The following CDH18 variants were observed in gnomAD, a reference collection of about 807,000 sequenced individuals.
CDH18 encodes the protein cadherin-18.
A neutral mutation model predicts 67.9 loss-of-function variants in CDH18; 31 were observed. The observed-to-expected ratio is 0.46, with a 90% confidence interval of 0.34 to 0.62. The LOEUF is 0.62. Ranked by LOEUF, CDH18 falls within the 20% of genes least tolerant of loss-of-function variation. CDH18 has a pLI of 0.01. For missense variants in CDH18, 890 were observed against 975.5 expected (o/e 0.91, Z 1.17); for synonymous variants, 362 against 347.2 (o/e 1.04, Z -0.48).
chr5:19,809,971 A>C (rs1778467942), intron 3 of CDH18, among the ~76,000 whole-genome samples: 1 of 152,146 alleles, frequency 6.6e-6, no homozygotes, highest in Non-Finnish European at 1.5e-5. Context: ...CACACACGGA[A>C]AATAGAAAAC....
At chr5:20,342,670 A>G (rs908471482) in intron 1 of CDH18, among the ~76,000 whole-genome samples, 2 of 152,158 alleles carry the variant, frequency 1.3e-5, no homozygotes, top group Non-Finnish European at 2.9e-5. Flanking sequence ...AGGAACATAG[A>G]GTTGGATCAG....
At chr5:20,360,284 T>A (rs917653097) in intron 1 of CDH18, among the ~76,000 whole-genome samples, 23 of 152,054 alleles carry the variant, frequency 1.5e-4, no homozygotes, top group Non-Finnish European at 3.1e-4. Context: ...CTAAGTTGCT[T>A]CTCTAAAAAT....
At chr5:19,802,252 A>T (rs1261261683) in intron 3 of CDH18, among the ~76,000 whole-genome samples, 1 of 152,216 alleles carries the variant, frequency 6.6e-6, no homozygotes, top group Non-Finnish European at 1.5e-5. Flanking sequence ...AATAGGAAGA[A>T]CTCAAGCATG....
chr5:20,339,420 C>T (rs1268935176), intron 1 of CDH18, among the ~76,000 whole-genome samples: 1 of 152,064 alleles, frequency 6.6e-6, no homozygotes, highest in Admixed American at 6.6e-5. Flanking sequence ...ATAACCCAGA[C>T]CTCTTTCAAT....
intron 1 of CDH18, among the ~76,000 whole-genome samples, chr5:20,266,788 T>C (rs1745074865): frequency 1.3e-5 from 2 of 151,862 alleles, no homozygotes; most frequent in African/African-American, 2.4e-5. Flanking sequence ...CCATAAGTAA[T>C]GGTAAAATAC....
At chr5:19,704,914 A>T (rs1763747265) in intron 5 of CDH18, among the ~76,000 whole-genome samples, 1 of 152,204 alleles carries the variant, frequency 6.6e-6, no homozygotes, top group Admixed American at 6.5e-5. Flanking sequence ...AGCCCAAAAA[A>T]TTGGCCTTTA....
At chr5:19,527,000 G>T (rs896306409) in intron 9 of CDH18, among the ~76,000 whole-genome samples, 2 of 151,848 alleles carry the variant, frequency 1.3e-5, no homozygotes, top group Non-Finnish European at 3.0e-5. Flanking sequence ...GTCTGATTTA[G>T]ATTTCTATGA....
intron 2 of CDH18, among the ~76,000 whole-genome samples, chr5:19,955,393 G>T (rs1796165649): frequency 6.6e-6 from 1 of 151,986 alleles, no homozygotes; most frequent in Admixed American, 6.6e-5. Flanking sequence ...AGCAAAAAAA[G>T]AACTAAATGC....
chr5:20,560,842 G>A (rs1193654335), intron 1 of CDH18, among the ~76,000 whole-genome samples: 1 of 151,940 alleles, frequency 6.6e-6, no homozygotes, highest in Non-Finnish European at 1.5e-5. Context: ...GCCACAGACT[G>A]CAAGAAAATA....
chr5:19,559,623 T>G (rs1044611220), intron 8 of CDH18, among the ~76,000 whole-genome samples: 4 of 152,000 alleles, frequency 2.6e-5, no homozygotes, highest in African/African-American at 9.7e-5. Flanking sequence ...ATGTTTACTC[T>G]TAACACTTCT....
At chr5:20,209,613 T>C (rs573721090) in intron 2 of CDH18, among the ~76,000 whole-genome samples, 3 of 151,838 alleles carry the variant, frequency 2.0e-5, no homozygotes, top group African/African-American at 7.3e-5. Context: ...CATAGGGAGA[T>C]AAAAAGAGGT....
chr5:20,309,437 C>T (rs1736792918), intron 1 of CDH18, among the ~76,000 whole-genome samples: 1 of 151,732 alleles, frequency 6.6e-6, no homozygotes, highest in Non-Finnish European at 1.5e-5. Flanking sequence ...GTACTAACAA[C>T]AATAACAAAA....
At chr5:19,921,696 G>T (rs1351684486) in intron 2 of CDH18, among the ~76,000 whole-genome samples, 1 of 151,950 alleles carries the variant, frequency 6.6e-6, no homozygotes, top group Admixed American at 6.6e-5. Context: ...TACCAATAAA[G>T]AAACAAAGTC....
chr5:19,997,654 T>C (rs1161802412), intron 2 of CDH18, among the ~76,000 whole-genome samples: 3 of 152,260 alleles, frequency 2.0e-5, no homozygotes, highest in African/African-American at 7.2e-5. Context: ...CTTTAAAGTT[T>C]TCTATCCCAG....
intron 2 of CDH18, among the ~76,000 whole-genome samples, chr5:19,965,737 G>C (rs1418285665): frequency 6.6e-6 from 1 of 152,080 alleles, no homozygotes; most frequent in African/African-American, 2.4e-5. Context: ...GAGGAAGAGA[G>C]AGGCAGGTAG....
At chr5:20,473,823 A>G (rs1752254426) in intron 1 of CDH18, among the ~76,000 whole-genome samples, 1 of 152,164 alleles carries the variant, frequency 6.6e-6, no homozygotes, top group South Asian at 2.1e-4. Flanking sequence ...AACATCAGAT[A>G]ATCTTATTTT....
intron 2 of CDH18, among the ~76,000 whole-genome samples, chr5:20,031,481 T>G (rs961039877): frequency 6.6e-6 from 1 of 151,486 alleles, no homozygotes; most frequent in Non-Finnish European, 1.5e-5. Context: ...CACTAGGGAG[T>G]TGGCAAACTA....
At chr5:20,200,071 G>A (rs1228551393) in intron 2 of CDH18, among the ~76,000 whole-genome samples, 1 of 152,116 alleles carries the variant, frequency 6.6e-6, no homozygotes, top group South Asian at 2.1e-4. Flanking sequence ...AGATCTAAGG[G>A]AACAAACACT....
chr5:19,723,081 T>G (rs1268495263), intron 4 of CDH18, among the ~76,000 whole-genome samples: 1 of 151,604 alleles, frequency 6.6e-6, no homozygotes, highest in African/African-American at 2.4e-5. Flanking sequence ...CACACAAAAT[T>G]TTTTTTTGGT....
Sources: allele counts gnomAD v4.1 joint callset (sites outside exome capture counted in the v4.1 genomes callset), GRCh38; gene constraint gnomAD v4.1.1; transcripts MANE v1.5; gene names NCBI Gene and HGNC (gene_info 2026-07-23, HGNC 2026-07-21).